The following RRP12 variants were observed in gnomAD, a reference collection of about 807,000 sequenced individuals.
The protein encoded by RRP12 is RRP12-like protein.
Under a neutral mutation model 157.3 loss-of-function variants are expected in RRP12, and 78 were observed. That is an observed-to-expected ratio of 0.50 (90% confidence interval 0.41 to 0.60). The LOEUF is 0.60. Ranked by LOEUF, RRP12 falls within the 20% of genes least tolerant of loss-of-function variation. The probability of loss-of-function intolerance (pLI) is 0.00; values close to 1 mark genes in which losing one functional copy is unlikely to be tolerated. For synonymous variants in RRP12, 726 were observed against 670.9 expected (o/e 1.08, Z -1.27); for missense variants, 1,521 against 1,679.9 (o/e 0.91, Z 1.65).
chr10:97,379,289 C>T lies in RRP12; in HGVS notation c.1798+4G>A, dbSNP rs375189190. 27 of 1,613,872 alleles carry T rather than the reference C, an allele frequency of 1.7e-5. No individual in the cohort carries two copies. In the African/African-American group the frequency reaches 2.7e-4, roughly 16 times the overall value. Reference sequence around the variant, plus strand: ...GGTCACACACAGGCAAGGGTCTCTCCTACCTTTGCTCTTCAGGGTGTTAGC... The same window carrying T: ...GGTCACACACAGGCAAGGGTCTCTCTTACCTTTGCTCTTCAGGGTGTTAGC... On this transcript the variant is annotated splice_donor_region_variant and intron_variant, in intron 15 of 33. Transcript: ENST00000370992.
At chr10:97,372,882 G>A in intron 18 of RRP12, 79 bp from the exon 19 acceptor site, 1 of 1,471,136 alleles carries the variant, frequency 6.8e-7, no homozygotes, top group Non-Finnish European at 9.3e-7. Flanking sequence ...CAGTCCCAGA[G>A]CGGCCTCCCC....
chr10:97,373,980 G>C (rs771833617), intron 15 of RRP12, 86 bp from the exon 16 acceptor site: 4 of 1,092,236 alleles, frequency 3.7e-6, no homozygotes, highest in African/African-American at 1.6e-5. Flanking sequence ...AAAGCCCAAT[G>C]ATGAGGACAG....
At chr10:97,379,012 A>C (rs917897988) in intron 15 of RRP12, among the ~76,000 whole-genome samples, 1 of 152,276 alleles carries the variant, frequency 6.6e-6, no homozygotes, top group Non-Finnish European at 1.5e-5. Context: ...TCTGTGATCC[A>C]AAGGGGAAGA....
At chr10:97,382,192 T>A (rs1361578879) in intron 10 of RRP12, among the ~76,000 whole-genome samples, 1 of 152,190 alleles carries the variant, frequency 6.6e-6, no homozygotes, top group East Asian at 1.9e-4. Context: ...CTAACTTTTT[T>A]TTTTTTGCAG....
At chr10:97,379,070 C>G (rs1844389382) in intron 15 of RRP12, among the ~76,000 whole-genome samples, 1 of 152,232 alleles carries the variant, frequency 6.6e-6, no homozygotes, top group South Asian at 2.1e-4. Flanking sequence ...TCCTGTCTCA[C>G]AGGGCAAGCT....
chr10:97,400,399 G>C lies in RRP12; in HGVS notation c.275C>G (p.Ser92Trp). 6 of 1,614,042 alleles carry C rather than the reference G, an allele frequency of 3.7e-6. No individual in the cohort carries two copies. The highest frequency in any genetic ancestry group is 1.3e-5 in the African/African-American group (1 of 74,990). The change falls in exon 2 of 34, where the codon TCG (serine) becomes TGG (tryptophan). Residue 92 changes from serine (S) to tryptophan (W), a missense_variant. Physicochemically the swap from Ser to Trp is radical, Grantham distance 177. Transcript: ENST00000370992. ...EAELVLTEKS[S>W]GTFLSGLSDC... Reference sequence around the variant, plus strand: ...GGAAAGGCCACTCAGGAAGGTACCCGAGGACTTCTCGGTGAGAACCAGCTC... The same window carrying C: ...GGAAAGGCCACTCAGGAAGGTACCCCAGGACTTCTCGGTGAGAACCAGCTC...
intron 25 of RRP12, among the ~76,000 whole-genome samples, chr10:97,368,905 C>A (rs1005287995): frequency 1.3e-5 from 2 of 152,256 alleles, no homozygotes; most frequent in African/African-American, 4.8e-5. Flanking sequence ...CACAGCTTGG[C>A]TGGAAGCCTA....
intron 33 of RRP12, among the ~76,000 whole-genome samples, chr10:97,357,747 AG>A (rs1203278029): frequency 1.3e-5 from 2 of 152,054 alleles, no homozygotes; most frequent in Non-Finnish European, 2.9e-5. Flanking sequence ...TCACAAGGTC[AG>A]GGGATCAAGA....
chr10:97,367,005 G>T (rs371707299), intron 26 of RRP12, 36 bp downstream of exon 26: 1 of 1,610,880 alleles, frequency 6.2e-7, no homozygotes, highest in Non-Finnish European at 8.5e-7. Context: ...TCGGCCCCTC[G>T]CTTGCCCTAC....
rs1844468547 is a variant in RRP12, at chr10:97,381,565, G to C, written c.1321-82C>G. 4 of 1,288,022 alleles carry C rather than the reference G, an allele frequency of 3.1e-6. No individual in the cohort carries two copies. In the South Asian group the frequency reaches 5.5e-5, roughly 18 times the overall value. 79.8% of individuals were successfully genotyped at this position (1,288,022 alleles called of 1,614,324 possible). ...CCCCTCCCAGGCAACAGTTTCCTGGGAGTCTAAGAAAGCTTCGAAGAAACC... is the reference window on the plus strand; with the variant it reads ...CCCCTCCCAGGCAACAGTTTCCTGGCAGTCTAAGAAAGCTTCGAAGAAACC... On this transcript the variant is annotated intron_variant, in intron 11 of 33. Transcript: ENST00000370992.
chr10:97,400,994 A>G, intron 1 of RRP12, 99 bp downstream of exon 1: 3 of 1,422,180 alleles, frequency 2.1e-6, no homozygotes, highest in South Asian at 1.3e-5. Context: ...GAAAGGTCCA[A>G]TGCCTGGCCC....
intron 13 of RRP12, 47 bp downstream of exon 13, chr10:97,380,737 GGAGCCCATAGTCCAA>G: frequency 8.3e-7 from 1 of 1,206,272 alleles, no homozygotes; most frequent in Non-Finnish European, 1.2e-6. Context: ...GTGCCCTCCA[GGAGCCCATAGTCCAA>G]GAGCCAGCAC....
intron 11 of RRP12, 86 bp downstream of exon 11, chr10:97,381,629 T>C (rs553286535): frequency 9.9e-4 from 1,296 of 1,310,142 alleles, no homozygotes; most frequent in Non-Finnish European, 1.3e-3. Context: ...GGGCCCGAGC[T>C]GGTAGCCTGG....
At chr10:97,392,001 GTTTT>G (rs59302286) in intron 4 of RRP12, among the ~76,000 whole-genome samples, 16 of 147,816 alleles carry the variant, frequency 1.1e-4, no homozygotes, top group Middle Eastern at 3.4e-3. Context: ...CATGTTGTGG[GTTTT>G]TTTTTTTTCT....
In RRP12 at chr10:97,363,840, C is replaced by T. The variant is rs1455241537; in HGVS notation, c.3567+14G>A. The T allele has an allele frequency of 6.2e-7, 1 of 1,612,222 alleles. No homozygotes were observed. On this transcript the variant is annotated intron_variant, in intron 30 of 33. Transcript: ENST00000370992. ...GTCTGAAGCCCTAGCCCCCCATCTGCAGGAACTACTCACATTCCTGATGAT... is the reference window on the plus strand; with the variant it reads ...GTCTGAAGCCCTAGCCCCCCATCTGTAGGAACTACTCACATTCCTGATGAT...
rs1226420736 is a variant in RRP12, at chr10:97,390,798, C to G, written c.577G>C (p.Ala193Pro). 2 of 1,613,872 alleles carry G rather than the reference C, an allele frequency of 1.2e-6. No homozygotes were observed. Among genetic ancestry groups the G allele is most frequent in the African/African-American group, 2.7e-5 (2 of 74,902 alleles). The change falls in exon 5 of 34, where the codon GCC becomes CCC. Residue 193 changes from alanine to proline, a missense_variant. Coordinates refer to ENST00000370992, the MANE Select transcript of RRP12 (RefSeq NM_015179.4). ...LIKKFSDTSK[A>P]FMDIMSAQAS... is the part of the protein sequence containing the mutation. Reference sequence around the variant, plus strand: ...TGAGCTGACATGATATCCATGAAGGCTTTGGAGGTATCAGAGAACTTCTTA... The same window carrying G: ...TGAGCTGACATGATATCCATGAAGGGTTTGGAGGTATCAGAGAACTTCTTA...
At position 97,385,176 on chromosome 10, in the gene RRP12, T is replaced by C; in HGVS notation, c.1198A>G (p.Asn400Asp). The C allele has an allele frequency of 6.2e-7, 1 of 1,613,520 alleles. No homozygotes were observed. Among genetic ancestry groups the C allele is most frequent in the South Asian group, 1.1e-5 (1 of 91,074 alleles). Residue 400 changes from asparagine to aspartate, a missense_variant, in exon 10 of 34, where the codon AAC (asparagine) becomes GAC (aspartate). Transcript: ENST00000370992. Reference protein sequence around the residue: ...WLKVMEKAHINLVRLQWDLGL... With the variant: ...WLKVMEKAHIDLVRLQWDLGL... Reference sequence around the variant, plus strand: ...CTCCTTCATCCGTACCTCACCAGGTTGATGTGGGCTTTCTCCATGACCTTA... The same window carrying C: ...CTCCTTCATCCGTACCTCACCAGGTCGATGTGGGCTTTCTCCATGACCTTA...
In RRP12 at chr10:97,370,507, T is replaced by C; in HGVS notation, c.2637A>G (p.Ala879=). The part of the protein sequence containing the change: ...VSVGARKNAF[A]LLVEMGHAFL... The stretch of plus-strand genomic sequence containing the variant: ...AAGCATGGCCCATCTCCACGAGCAG[T>C]GCAAAAGCGTTCTTCCGTGCGCCCA... The change falls in exon 23 of 34, where the codon GCA becomes GCG. Residue 879 remains alanine (A), a synonymous_variant. Coordinates refer to ENST00000370992, the MANE Select transcript of RRP12 (RefSeq NM_015179.4). The C allele has an allele frequency of 6.2e-7, 1 of 1,611,718 alleles. No homozygotes were observed. Among genetic ancestry groups the C allele is most frequent in the South Asian group, 1.1e-5 (1 of 90,974 alleles).
chr10:97,394,313 A>G (rs764455519), intron 3 of RRP12, among the ~76,000 whole-genome samples: 2 of 152,236 alleles, frequency 1.3e-5, no homozygotes, highest in Non-Finnish European at 2.9e-5. Flanking sequence ...ACTGCACTCC[A>G]GTCTGGGTGA....
Sources: allele counts gnomAD v4.1 joint callset (sites outside exome capture counted in the v4.1 genomes callset), GRCh38; gene constraint gnomAD v4.1.1; transcripts MANE v1.5; gene names NCBI Gene and HGNC (gene_info 2026-07-23, HGNC 2026-07-21).